The following TTC6 variants were observed in gnomAD, a reference collection of about 807,000 sequenced individuals.
TTC6 encodes tetratricopeptide repeat domain 6.
In TTC6, 172 loss-of-function variants were observed where a neutral mutation model predicts 210.4. That is an observed-to-expected ratio of 0.82 (90% confidence interval 0.72 to 0.93). The LOEUF (loss-of-function observed/expected upper bound fraction) is 0.93, where lower values mean the gene tolerates loss of function less well. Among genes scored for constraint, TTC6 ranks in the 40% least tolerant of loss-of-function variants. The pLI is 0.00. For synonymous variants in TTC6, 804 were observed against 819.6 expected (o/e 0.98, Z 0.32); for missense variants, 2,414 against 2,318.1 (o/e 1.04, Z -0.85).
Position 37,712,679 on chromosome 14 carries a change from G to C in TTC6, c.1572-1976G>C, listed in dbSNP as rs142708778. On this transcript the variant is annotated intron_variant, in intron 5 of 30. Transcript: ENST00000553443. ...GAAATGATGGACAAAAGGGGGAAAA[G>C]CCCCTTATGAAACCATCAGCTCTTG... 3.0e-3 allele frequency among the ~76,000 whole-genome samples: 454 copies of C among 152,188 alleles called. 2 individuals are homozygous for C. Among genetic ancestry groups the C allele is most frequent in the African/African-American group, 0.011 (437 of 41,540 alleles).
In TTC6 at chr14:37,768,663, C is replaced by T. The variant is rs943849700; in HGVS notation, c.3266+15428C>T. ...TGTACATTGATTTTGTATCCTGAGA[C>T]TTTGCTGAAGTTGCTTATCAGCTTA... is the stretch of plus-strand genomic sequence containing the variant. On this transcript the variant is annotated intron_variant, in intron 14 of 30. Transcript: ENST00000553443. Among the ~76,000 whole-genome samples, 4 of 151,262 alleles carry T rather than the reference C, an allele frequency of 2.6e-5. No homozygotes were observed. In the East Asian group the frequency reaches 7.8e-4, roughly 30 times the overall value.
intron 7 of TTC6, among the ~76,000 whole-genome samples, chr14:37,732,679 C>T (rs1252447941): frequency 1.3e-5 from 2 of 151,570 alleles, no homozygotes. Flanking sequence ...AGTGCAGTGG[C>T]ACAATCTCGG....
intron 2 of TTC6, among the ~76,000 whole-genome samples, chr14:37,682,451 C>A (rs1174351187): frequency 4.0e-5 from 6 of 149,816 alleles, no homozygotes; most frequent in Non-Finnish European, 8.9e-5. Context: ...TCTAGCTATA[C>A]CTTCTTGCAT....
chr14:37,801,724 C>T (rs2096107100), intron 20 of TTC6, among the ~76,000 whole-genome samples: 1 of 152,100 alleles, frequency 6.6e-6, no homozygotes, highest in African/African-American at 2.4e-5. Flanking sequence ...ATTTGCATCA[C>T]ACCAGTCAGA....
chr14:37,722,160 A>G (rs2095863226), intron 6 of TTC6, among the ~76,000 whole-genome samples: 1 of 151,982 alleles, frequency 6.6e-6, no homozygotes, highest in African/African-American at 2.4e-5. Flanking sequence ...ATCAGCTCGT[A>G]GTATGCATCA....
intron 1 of TTC6, among the ~76,000 whole-genome samples, chr14:37,667,801 C>T (rs1247853763): frequency 6.6e-6 from 1 of 150,600 alleles, no homozygotes; most frequent in Non-Finnish European, 1.5e-5. Context: ...GTTTTTACCT[C>T]CACTAAAGTT....
chr14:37,643,627 A>G (rs1056312651), intron 1 of TTC6, among the ~76,000 whole-genome samples: 18 of 152,176 alleles, frequency 1.2e-4, no homozygotes, highest in African/African-American at 4.3e-4. Flanking sequence ...TTAAAGAGGA[A>G]GCCTATCTTT....
At chr14:37,711,858 A>C (rs1397111958) in intron 5 of TTC6, among the ~76,000 whole-genome samples, 1 of 152,132 alleles carries the variant, frequency 6.6e-6, no homozygotes, top group Non-Finnish European at 1.5e-5. Context: ...GAGAGACATC[A>C]TGGAGGGAGA....
chr14:37,828,058 C>A (rs903462338), intron 29 of TTC6, among the ~76,000 whole-genome samples: 20 of 151,986 alleles, frequency 1.3e-4, no homozygotes, highest in East Asian at 5.8e-4. Flanking sequence ...TTAATTTATA[C>A]TTTTTCCAAA....
chr14:37,653,524 A>G (rs904377591), intron 1 of TTC6, among the ~76,000 whole-genome samples: 1 of 151,082 alleles, frequency 6.6e-6, no homozygotes, highest in African/African-American at 2.5e-5. Context: ...CTTTGCATCA[A>G]AGTATTAATT....
intron 14 of TTC6, among the ~76,000 whole-genome samples, chr14:37,771,140 C>A (rs1016467717): frequency 5.9e-5 from 9 of 152,148 alleles, no homozygotes; most frequent in African/African-American, 2.2e-4. Flanking sequence ...CCCCCACTCT[C>A]TTCTGGCTTA....
At chr14:37,828,221 T>A (rs1284882826) in intron 29 of TTC6, among the ~76,000 whole-genome samples, 1 of 152,108 alleles carries the variant, frequency 6.6e-6, no homozygotes, top group Non-Finnish European at 1.5e-5. Flanking sequence ...TTTTTGAATT[T>A]ATTTCATTTG....
chr14:37,762,517 T>A (rs1394412712), intron 14 of TTC6, among the ~76,000 whole-genome samples: 1 of 152,194 alleles, frequency 6.6e-6, no homozygotes, highest in Non-Finnish European at 1.5e-5. Context: ...TAGTGTGAAG[T>A]GATAGCTCAT....
At chr14:37,668,854 C>T (rs2095753175) in intron 1 of TTC6, among the ~76,000 whole-genome samples, 1 of 152,146 alleles carries the variant, frequency 6.6e-6, no homozygotes, top group Admixed American at 6.6e-5. Flanking sequence ...CATTCCAGGT[C>T]ATTGAGTCAT....
chr14:37,625,330 C>G (rs2035221046), intron 1 of TTC6, among the ~76,000 whole-genome samples: 1 of 151,262 alleles, frequency 6.6e-6, no homozygotes, highest in African/African-American at 2.4e-5. Flanking sequence ...GGTGGATCAC[C>G]TGAGGTCAGG....
At chr14:37,716,275 A>C (rs2095852568) in intron 6 of TTC6, among the ~76,000 whole-genome samples, 1 of 152,144 alleles carries the variant, frequency 6.6e-6, no homozygotes, top group Non-Finnish European at 1.5e-5. Context: ...GAAGACAGGA[A>C]AAAGAAAACA....
chr14:37,617,453 T>G (rs2095644594), upstream of TTC6, among the ~76,000 whole-genome samples: 1 of 152,156 alleles, frequency 6.6e-6, no homozygotes, highest in Admixed American at 6.6e-5. Context: ...GAAAAATAGC[T>G]TTTTCTCTAT....
chr14:37,751,244 A>G lies in TTC6; in HGVS notation c.3129+19A>G. ...TTCGAAAGTAAGCTTTATCACATAT[A>G]ATTCTACCATTTATATAGTTTAGAT... On this transcript the variant is annotated intron_variant, in intron 13 of 30. Coordinates refer to ENST00000553443, the Ensembl canonical transcript of TTC6. 1 of 1,506,168 alleles carries G rather than the reference A, an allele frequency of 6.6e-7. No individual in the cohort carries two copies. The highest frequency in any genetic ancestry group is 8.8e-7 in the Non-Finnish European group (1 of 1,131,036). 93.3% of individuals were successfully genotyped at this position (1,506,168 alleles called of 1,614,324 possible).
rs142275779 is a variant in TTC6 at position 37,669,394 on chromosome 14, A to G, written c.940-10757A>G. On this transcript the variant is annotated intron_variant, in intron 1 of 30. Transcript: ENST00000553443. ...GGGAAGAGAAAGGATCTCAAAATCA[A>G]TCTAAGGAGTGTTTCTCCACTTGCA... Among the ~76,000 whole-genome samples the G allele has an allele frequency of 8.8e-3, 1,344 of 152,294 alleles. 13 individuals are homozygous for G. Among genetic ancestry groups the G allele is most frequent in the Non-Finnish European group, 0.013 (854 of 68,016 alleles).
Sources: allele counts gnomAD v4.1 joint callset (sites outside exome capture counted in the v4.1 genomes callset), GRCh38; gene constraint gnomAD v4.1.1; transcripts MANE v1.5; gene names NCBI Gene and HGNC (gene_info 2026-07-23, HGNC 2026-07-21).